The following ACAP2 variants were observed in gnomAD, a reference collection of about 807,000 sequenced individuals.
ACAP2 encodes the protein ArfGAP with coiled-coil, ankyrin repeat and PH domains 2.
ACAP2 carries 39 observed loss-of-function variants against 115.8 expected under a neutral mutation model. The observed-to-expected ratio is 0.34, with a 90% CI of 0.26 to 0.44. The LOEUF is 0.44. ACAP2 is among the 20% of genes least tolerant of loss of function. ACAP2 has a pLI of 1.00. For synonymous variants in ACAP2, 289 were observed against 315.8 expected, an observed-to-expected ratio of 0.92 and a Z score of 0.90; for missense variants, 662 against 927.6, an observed-to-expected ratio of 0.71 and a Z score of 3.72.
At chr3:195,395,276 CATT>C (rs1327078941) in intron 1 of ACAP2, among the ~76,000 whole-genome samples, 3 of 151,962 alleles carry the variant, frequency 2.0e-5, no homozygotes, top group African/African-American at 7.3e-5. Context: ...GTTATATACA[CATT>C]AATAATGAAA....
In ACAP2 at chr3:195,354,854, T is replaced by C. The variant is rs147131802; in HGVS notation, c.286-9537A>G. Among the ~76,000 whole-genome samples, 607 of 152,318 alleles carry C rather than the reference T, an allele frequency of 4.0e-3. 3 individuals are homozygous for C. Among genetic ancestry groups the C allele is most frequent in the African/African-American group, 0.012 (512 of 41,562 alleles). On this transcript the variant is annotated intron_variant, in intron 4 of 22. Coordinates refer to ENST00000326793, the MANE Select transcript of ACAP2 (RefSeq NM_012287.6). Reference sequence around the variant, plus strand: ...ATTTCATGAAATTAGATGTCAGTAATCTAGACTATTTACTGGCTTTGTTTT... The same window carrying C: ...ATTTCATGAAATTAGATGTCAGTAACCTAGACTATTTACTGGCTTTGTTTT...
intron 1 of ACAP2, among the ~76,000 whole-genome samples, chr3:195,405,114 C>T (rs1712644556): frequency 2.0e-5 from 3 of 147,140 alleles, no homozygotes; most frequent in South Asian, 4.6e-4. Context: ...GCCGCTTAAA[C>T]ACAGTCTAAC....
intron 20 of ACAP2, among the ~76,000 whole-genome samples, chr3:195,291,204 A>C (rs909947753): frequency 2.6e-5 from 4 of 152,190 alleles, no homozygotes; most frequent in African/African-American, 9.6e-5. Context: ...TCAAGGCTTT[A>C]TTGTTCTGTG....
At position 195,327,996 on chromosome 3, in the gene ACAP2, G is replaced by A. The variant is rs540904342; in HGVS notation, c.670-1037C>T. ...ACCCATTTTTTTCTTGTTCCTTGGCGTTAGAAAGGATATCCATCATGAGGG... is the reference window on the plus strand; with the variant it reads ...ACCCATTTTTTTCTTGTTCCTTGGCATTAGAAAGGATATCCATCATGAGGG... On this transcript the variant is annotated intron_variant, in intron 8 of 22. Coordinates refer to ENST00000326793, the MANE Select transcript of ACAP2 (RefSeq NM_012287.6). Among the ~76,000 whole-genome samples, 9 of 151,940 alleles carry A rather than the reference G, an allele frequency of 5.9e-5. No individual in the cohort carries two copies. In the South Asian group the frequency reaches 1.2e-3, roughly 21 times the overall value.
chr3:195,438,604 C>T (rs1450193068), intron 1 of ACAP2, among the ~76,000 whole-genome samples: 2 of 152,176 alleles, frequency 1.3e-5, no homozygotes, highest in East Asian at 3.8e-4. Flanking sequence ...GGCATGGTGA[C>T]TCATACCTGT....
chr3:195,389,117 CAG>C (rs1420749492), intron 2 of ACAP2, among the ~76,000 whole-genome samples: 8 of 151,368 alleles, frequency 5.3e-5, no homozygotes, highest in African/African-American at 1.9e-4. Context: ...CGAGGGAAAA[CAG>C]TGATTTTTTT....
At position 195,278,882 on chromosome 3, in the gene ACAP2, C is replaced by CACTATTTCTT. The variant is rs1726303482; in HGVS notation, c.*445_*446insAAGAAATAGT. ...ACCTATTTCTGAACCACCAAAAAGC[C>CACTATTTCTT]TCAGGGAAGCTAAAGAAAACACATA... On this transcript the variant is annotated 3_prime_UTR_variant, in exon 23 of 23. Coordinates refer to ENST00000326793, the MANE Select transcript of ACAP2 (RefSeq NM_012287.6). 6.5e-6 allele frequency: 1 copy of CACTATTTCTT among 153,126 alleles called. No homozygotes were observed. 9.5% of individuals were successfully genotyped at this position (153,126 alleles called of 1,614,324 possible).
intron 6 of ACAP2, among the ~76,000 whole-genome samples, chr3:195,337,605 C>A (rs1049720045): frequency 6.6e-6 from 1 of 152,098 alleles, no homozygotes; most frequent in Non-Finnish European, 1.5e-5. Flanking sequence ...TGTGCCACCA[C>A]GCTCGGCTAA....
In ACAP2 at chr3:195,329,533, T is replaced by C. The variant is rs138540402; in HGVS notation, c.670-2574A>G. Among the ~76,000 whole-genome samples, 19 of 152,260 alleles carry C rather than the reference T, an allele frequency of 1.2e-4. No individual in the cohort carries two copies. The East Asian group carries it at 3.7e-3, about 29-fold the overall frequency. ...TTAATAAAACTGCTAACCCATACTC[T>C]TTTTCCAGCTACCACATTCTTTCCC... On this transcript the variant is annotated intron_variant, in intron 8 of 22. Transcript: ENST00000326793.
Position 195,299,542 on chromosome 3 carries a change from C to CA in ACAP2, c.1395+2032dup, listed in dbSNP as rs61602807. Among the ~76,000 whole-genome samples, 728 of 103,676 alleles carry CA rather than the reference C, an allele frequency of 7.0e-3. 11 individuals carry two copies. The highest frequency in any genetic ancestry group is 0.067 in the East Asian group (235 of 3,532). The allele number at this position is 103,676 out of a possible 152,430, so 68.0% of individuals were successfully genotyped here. On this transcript the variant is annotated intron_variant, in intron 15 of 22. Transcript: ENST00000326793. ...TGGGTGACAAAGTGAGACTCCGTCT[C>CA]AAAAAAAAAAAAAAGGCCGGGCGCG...
intron 2 of ACAP2, among the ~76,000 whole-genome samples, chr3:195,389,967 G>A (rs983086031): frequency 3.1e-4 from 47 of 152,168 alleles, no homozygotes; most frequent in Non-Finnish European, 4.4e-4. Flanking sequence ...AGGCCGAGGC[G>A]GGCGGATTGC....
At chr3:195,390,815 T>C (rs1734620448) in intron 2 of ACAP2, among the ~76,000 whole-genome samples, 1 of 152,238 alleles carries the variant, frequency 6.6e-6, no homozygotes, top group Non-Finnish European at 1.5e-5. Context: ...GTATTTCAAA[T>C]ATATACATCT....
At chr3:195,292,580 G>T in intron 18 of ACAP2, 128 bp from the exon 19 acceptor site, 1 of 832,992 alleles carries the variant, frequency 1.2e-6, no homozygotes, top group Non-Finnish European at 1.8e-6. Flanking sequence ...AGTAAAGATA[G>T]CACACTAATG....
intron 4 of ACAP2, among the ~76,000 whole-genome samples, chr3:195,376,861 G>C (rs1733581521): frequency 6.6e-6 from 1 of 152,108 alleles, no homozygotes; most frequent in South Asian, 2.1e-4. Context: ...ACTGTTATGA[G>C]CTCTGCTAGA....
At chr3:195,420,484 G>A (rs1462361831) in intron 1 of ACAP2, among the ~76,000 whole-genome samples, 1 of 151,952 alleles carries the variant, frequency 6.6e-6, no homozygotes, top group Non-Finnish European at 1.5e-5. Context: ...AAGTAGCTGG[G>A]ACTATAGGCG....
intron 22 of ACAP2, chr3:195,279,634 C>G (rs1327489891): frequency 2.4e-5 from 9 of 374,060 alleles, no homozygotes; most frequent in Non-Finnish European, 4.2e-5. Flanking sequence ...GAAAAAAGCA[C>G]CTCAGATGCA....
intron 4 of ACAP2, among the ~76,000 whole-genome samples, chr3:195,374,184 G>A (rs369416619): frequency 1.3e-5 from 2 of 152,066 alleles, no homozygotes; most frequent in South Asian, 4.1e-4. Flanking sequence ...TCCGGAGTTC[G>A]AGACCAGCCT....
At chr3:195,428,538 C>T (rs1378558480) in intron 1 of ACAP2, among the ~76,000 whole-genome samples, 3 of 151,980 alleles carry the variant, frequency 2.0e-5, no homozygotes, top group Admixed American at 6.6e-5. Flanking sequence ...CTACAGTATT[C>T]AGTACAATAA....
intron 1 of ACAP2, among the ~76,000 whole-genome samples, chr3:195,423,510 C>A (rs1362872569): frequency 1.3e-5 from 2 of 150,990 alleles, no homozygotes; most frequent in Admixed American, 6.7e-5. Context: ...GTAATCCCAG[C>A]TACTTGGGAG....
Sources: gnomAD v4.1 joint callset for allele counts (sites outside exome capture counted in the v4.1 genomes callset) on GRCh38, gnomAD v4.1.1 for gene constraint, MANE v1.5 for transcripts, NCBI Gene and HGNC (gene_info 2026-07-23, HGNC 2026-07-21) for gene names.